MIB1: variants seen among roughly 807,000 people sequenced by gnomAD.
MIB1 encodes the protein E3 ubiquitin-protein ligase MIB1.
A neutral mutation model predicts 124.5 loss-of-function variants in MIB1; 278 were observed. The observed-to-expected ratio is 2.23, with a 90% CI of 2.02 to 2.47. MIB1 has a LOEUF of 2.47. Among genes scored for constraint, MIB1 ranks in the 30% most tolerant of loss-of-function variants. MIB1 has a pLI of 0.00. For synonymous variants in MIB1, 446 were observed against 429.4 expected (o/e 1.04, Z -0.48); for missense variants, 957 against 1,254.4 (o/e 0.76, Z 3.58).
At chr18:21,859,370 G>C (rs894439657) in intron 20 of MIB1, among the ~76,000 whole-genome samples, 11 of 148,706 alleles carry the variant, frequency 7.4e-5, no homozygotes, top group Non-Finnish European at 1.5e-4. Flanking sequence ...TCCAGCCTGG[G>C]TGACAGAGTG....
intron 8 of MIB1, 112 bp from the exon 9 acceptor site, chr18:21,799,729 G>A: frequency 9.4e-7 from 1 of 1,066,064 alleles, no homozygotes; most frequent in Non-Finnish European, 1.3e-6. Flanking sequence ...TAACATTAAT[G>A]ATGGAAAGAA....
At chr18:21,785,101 C>A (rs1381896742) in intron 6 of MIB1, among the ~76,000 whole-genome samples, 1 of 152,168 alleles carries the variant, frequency 6.6e-6, no homozygotes, top group East Asian at 1.9e-4. Context: ...CTCTTTCTGC[C>A]TCGGCTACCA....
intron 6 of MIB1, among the ~76,000 whole-genome samples, chr18:21,789,771 A>C (rs542165997): frequency 6.4e-4 from 97 of 152,330 alleles, no homozygotes; most frequent in African/African-American, 2.2e-3. Flanking sequence ...TGTATCAAAA[A>C]AAGAAAAAAT....
At chr18:21,773,780 A>G in intron 4 of MIB1, 52 bp downstream of exon 4, 1 of 1,028,698 alleles carries the variant, frequency 9.7e-7, no homozygotes, top group Non-Finnish European at 1.5e-6. Context: ...ATGGGTGAAT[A>G]GCTCTTACTG....
At chr18:21,764,061 GT>G (rs1183724763) in intron 1 of MIB1, among the ~76,000 whole-genome samples, 1 of 152,106 alleles carries the variant, frequency 6.6e-6, no homozygotes, top group African/African-American at 2.4e-5. Context: ...TAAAGAAATA[GT>G]TCTGGATGAA....
chr18:21,823,107 A>G (rs2041893593), intron 12 of MIB1, among the ~76,000 whole-genome samples: 1 of 151,788 alleles, frequency 6.6e-6, no homozygotes, highest in African/African-American at 2.4e-5. Flanking sequence ...AGTGGTGCGC[A>G]CCTGTAGTTC....
At chr18:21,728,268 G>A (rs748662582) in intron 1 of MIB1, among the ~76,000 whole-genome samples, 3 of 152,100 alleles carry the variant, frequency 2.0e-5, no homozygotes, top group Non-Finnish European at 4.4e-5. Flanking sequence ...CGAGGTGGGC[G>A]GCTTGGCTGA....
intron 1 of MIB1, among the ~76,000 whole-genome samples, chr18:21,718,001 A>T (rs1022838032): frequency 6.6e-6 from 1 of 152,246 alleles, no homozygotes; most frequent in Admixed American, 6.5e-5. Flanking sequence ...CCAAATGCCC[A>T]TCAGTCAGTG....
intron 18 of MIB1, among the ~76,000 whole-genome samples, chr18:21,856,017 T>C (rs2042222957): frequency 6.6e-6 from 1 of 150,842 alleles, no homozygotes; most frequent in Admixed American, 6.6e-5. Context: ...GATCATGAGG[T>C]CAGGAGATCG....
intron 20 of MIB1, among the ~76,000 whole-genome samples, chr18:21,861,651 A>T (rs950577455): frequency 3.9e-4 from 50 of 129,466 alleles, no homozygotes; most frequent in African/African-American, 1.4e-3. Flanking sequence ...CAAGGTTATT[A>T]AAAAAAAAAA....
At chr18:21,779,829 G>T in intron 6 of MIB1, 144 bp downstream of exon 6, 1 of 653,530 alleles carries the variant, frequency 1.5e-6, no homozygotes, top group Non-Finnish European at 2.7e-6. Flanking sequence ...ATATATATTG[G>T]TAAGGTGGAG....
chr18:21,834,522 T>C (rs1235312122), intron 12 of MIB1, among the ~76,000 whole-genome samples: 1 of 152,182 alleles, frequency 6.6e-6, no homozygotes, highest in South Asian at 2.1e-4. Context: ...AGCCAGATGA[T>C]CAAGGTTAAC....
intron 1 of MIB1, among the ~76,000 whole-genome samples, chr18:21,764,778 A>G (rs1170857823): frequency 6.6e-6 from 1 of 152,188 alleles, no homozygotes; most frequent in African/African-American, 2.4e-5. Flanking sequence ...ATTATTTTAT[A>G]CGTAAATACT....
chr18:21,766,907 C>T (rs985066482), intron 2 of MIB1, among the ~76,000 whole-genome samples: 8 of 152,018 alleles, frequency 5.3e-5, no homozygotes, highest in Non-Finnish European at 1.2e-4. Context: ...AAGAATAGAA[C>T]AATAAAATAA....
intron 8 of MIB1, 73 bp downstream of exon 8, chr18:21,798,301 A>G (rs1182732986): frequency 7.0e-7 from 1 of 1,426,946 alleles, no homozygotes; most frequent in Non-Finnish European, 9.8e-7. Flanking sequence ...CCCAGTTCTC[A>G]TATACAGATA....
intron 12 of MIB1, among the ~76,000 whole-genome samples, chr18:21,833,568 A>C (rs1451706840): frequency 6.6e-6 from 1 of 152,212 alleles, no homozygotes; most frequent in Non-Finnish European, 1.5e-5. Flanking sequence ...GTTTTGCCTT[A>C]AGTAGTACTA....
intron 6 of MIB1, among the ~76,000 whole-genome samples, chr18:21,787,532 A>G (rs188041045): frequency 2.0e-5 from 3 of 152,300 alleles, no homozygotes; most frequent in Admixed American, 6.5e-5. Flanking sequence ...GTTGGTAGGA[A>G]GCTGGCTCTC....
At chr18:21,857,798 A>G (rs1257949051) in intron 19 of MIB1, among the ~76,000 whole-genome samples, 6 of 152,228 alleles carry the variant, frequency 3.9e-5, no homozygotes, top group Non-Finnish European at 8.8e-5. Flanking sequence ...TTCTCTTTGC[A>G]TTAGATATTA....
rs1305442005 is a variant in MIB1, at chr18:21,847,097, C to T, written c.2365C>T (p.Leu789=). 1.2e-6 allele frequency: 2 copies of T among 1,613,996 alleles called. No homozygotes were observed. Among genetic ancestry groups the T allele is most frequent in the Non-Finnish European group, 1.7e-6 (2 of 1,179,996 alleles). Residue 789 remains leucine, a synonymous_variant, in exon 16 of 21, where the codon CTG becomes TTG. Coordinates refer to ENST00000261537, the MANE Select transcript of MIB1 (RefSeq NM_020774.4). The stretch of plus-strand genomic sequence containing the variant: ...TCCTGATCCGAATCTCTGCAAAGCA[C>T]TGGCAAAGTGTCATAAGGAAAAAGT... ...LCPDPNLCKA[L]AKCHKEKVSG... is the part of the protein sequence containing the mutation.
Sources: gnomAD v4.1 joint callset for allele counts (sites outside exome capture counted in the v4.1 genomes callset) on GRCh38, gnomAD v4.1.1 for gene constraint, MANE v1.5 for transcripts, NCBI Gene and HGNC (gene_info 2026-07-23, HGNC 2026-07-21) for gene names.